Variants in SYNDIG1 observed in about 807,000 individuals in gnomAD.
The protein encoded by SYNDIG1 is synapse differentiation inducing 1, also known as synapse differentiation-inducing gene protein 1.
In SYNDIG1, 9 loss-of-function variants were observed where a neutral mutation model predicts 19.4. The ratio of observed to expected loss-of-function variants is 0.46; its 90% CI spans 0.28 to 0.81. The LOEUF is 0.81. SYNDIG1 is among the 30% of genes least tolerant of loss of function. The pLI is 0.12. For synonymous variants in SYNDIG1, 141 were observed against 145.9 expected (o/e 0.97, Z 0.24); for missense variants, 311 against 343.3 (o/e 0.91, Z 0.74).
intron 3 of SYNDIG1, among the ~76,000 whole-genome samples, chr20:24,631,637 A>G (rs2147296428): frequency 6.6e-6 from 1 of 152,338 alleles, no homozygotes; most frequent in Admixed American, 6.5e-5. Context: ...ATCACGTAAA[A>G]TCTGCTGAGG....
intron 1 of SYNDIG1, among the ~76,000 whole-genome samples, chr20:24,522,163 C>A (rs1014432236): frequency 6.6e-6 from 1 of 152,136 alleles, no homozygotes; most frequent in Admixed American, 6.5e-5. Context: ...CAGCCTCAAA[C>A]CCCTGGGCTC....
intron 3 of SYNDIG1, among the ~76,000 whole-genome samples, chr20:24,614,813 T>C (rs1005577839): frequency 1.3e-5 from 2 of 152,250 alleles, no homozygotes; most frequent in Admixed American, 6.5e-5. Flanking sequence ...GCCTAGGCTA[T>C]ACTTAAAATG....
intron 1 of SYNDIG1, among the ~76,000 whole-genome samples, chr20:24,484,378 T>C (rs1002580907): frequency 5.9e-5 from 9 of 152,200 alleles, no homozygotes; most frequent in Non-Finnish European, 1.3e-4. Flanking sequence ...TCTCACAGCA[T>C]GGCAGCCTTG....
At chr20:24,601,985 TTG>T (rs1040046722) in intron 3 of SYNDIG1, among the ~76,000 whole-genome samples, 18 of 139,752 alleles carry the variant, frequency 1.3e-4, no homozygotes, top group African/African-American at 4.5e-4. Context: ...CATTATAATA[TTG>T]TTTTTTTTTT....
At chr20:24,596,580 T>A (rs1000728772) in intron 3 of SYNDIG1, among the ~76,000 whole-genome samples, 1 of 151,378 alleles carries the variant, frequency 6.6e-6, no homozygotes, top group Non-Finnish European at 1.5e-5. Context: ...AGTTTTGCCA[T>A]GTTGCCTAGG....
At chr20:24,485,514 T>C (rs974841935) in intron 1 of SYNDIG1, among the ~76,000 whole-genome samples, 5 of 152,228 alleles carry the variant, frequency 3.3e-5, no homozygotes, top group Non-Finnish European at 2.9e-5. Flanking sequence ...TCCTTGTAGA[T>C]CTAGTGACTT....
At chr20:24,552,911 T>C (rs1307004073) in intron 2 of SYNDIG1, among the ~76,000 whole-genome samples, 1 of 152,208 alleles carries the variant, frequency 6.6e-6, no homozygotes, top group African/African-American at 2.4e-5. Flanking sequence ...GTTGAACTAG[T>C]TTACAGTCCC....
intron 3 of SYNDIG1, among the ~76,000 whole-genome samples, chr20:24,642,019 T>A (rs904051842): frequency 1.3e-5 from 2 of 152,214 alleles, no homozygotes; most frequent in East Asian, 3.8e-4. Context: ...GCTCTATGGT[T>A]AAACAAAAAA....
At chr20:24,655,235 G>A (rs965461600) in intron 3 of SYNDIG1, among the ~76,000 whole-genome samples, 3 of 152,222 alleles carry the variant, frequency 2.0e-5, no homozygotes, top group Non-Finnish European at 4.4e-5. Flanking sequence ...CTGAAAAAAT[G>A]TATTGAGAGG....
At chr20:24,520,264 A>C (rs542323260) in intron 1 of SYNDIG1, among the ~76,000 whole-genome samples, 1 of 150,798 alleles carries the variant, frequency 6.6e-6, no homozygotes, top group Non-Finnish European at 1.5e-5. Flanking sequence ...CTTACATAAT[A>C]GTATATGTAT....
chr20:24,599,773 A>G (rs190997833), intron 3 of SYNDIG1, among the ~76,000 whole-genome samples: 1 of 152,358 alleles, frequency 6.6e-6, no homozygotes, highest in East Asian at 1.9e-4. Flanking sequence ...CATGAGAGCT[A>G]AAAAGTCTGA....
intron 3 of SYNDIG1, among the ~76,000 whole-genome samples, chr20:24,628,413 A>G (rs1391829496): frequency 6.6e-6 from 1 of 152,172 alleles, no homozygotes; most frequent in Non-Finnish European, 1.5e-5. Flanking sequence ...TGATATATTT[A>G]TTGGTGTGTG....
In SYNDIG1 at chr20:24,665,593, A is replaced by T; in HGVS notation, c.*89A>T. On this transcript the variant is annotated 3_prime_UTR_variant, in exon 4 of 4. Coordinates refer to ENST00000376862, the MANE Select transcript of SYNDIG1 (RefSeq NM_024893.3). ...ATACCGCATGATGCTGTACAGTACA[A>T]ATGATTGCCAAATGATGCCACGAAG... The T allele has an allele frequency of 1.3e-6, 2 of 1,525,282 alleles. No homozygotes were observed. The highest frequency in any genetic ancestry group is 2.5e-5 in the South Asian group (2 of 79,994). The allele number at this position is 1,525,282 out of a possible 1,614,324, so 94.5% of individuals were successfully genotyped here.
At chr20:24,633,853 G>A (rs1008327572) in intron 3 of SYNDIG1, among the ~76,000 whole-genome samples, 5 of 152,120 alleles carry the variant, frequency 3.3e-5, no homozygotes, top group African/African-American at 1.2e-4. Context: ...CCGTGGTTCA[G>A]GGTTGTTGGG....
At chr20:24,512,097 T>C (rs541734807) in intron 1 of SYNDIG1, among the ~76,000 whole-genome samples, 9 of 132,516 alleles carry the variant, frequency 6.8e-5, no homozygotes, top group African/African-American at 8.7e-5. Context: ...TGAGGCACCA[T>C]TGGTCTTTAA....
chr20:24,555,088 G>T (rs2057786291), intron 2 of SYNDIG1, among the ~76,000 whole-genome samples: 2 of 152,044 alleles, frequency 1.3e-5, no homozygotes, highest in South Asian at 2.1e-4. Context: ...TAGTTTATTT[G>T]TGTAGAGGTG....
At chr20:24,489,979 G>A (rs1016589928) in intron 1 of SYNDIG1, among the ~76,000 whole-genome samples, 1 of 152,228 alleles carries the variant, frequency 6.6e-6, no homozygotes, top group Admixed American at 6.5e-5. Context: ...TGCCATCTGT[G>A]TGTGGCCCCC....
At chr20:24,486,573 T>C (rs539032621) in intron 1 of SYNDIG1, among the ~76,000 whole-genome samples, 3 of 152,338 alleles carry the variant, frequency 2.0e-5, no homozygotes, top group Admixed American at 6.5e-5. Context: ...TTTGCAGGCA[T>C]GCGAGCTCTG....
At chr20:24,473,751 T>C (rs532106761) in intron 1 of SYNDIG1, among the ~76,000 whole-genome samples, 4 of 152,214 alleles carry the variant, frequency 2.6e-5, no homozygotes, top group Admixed American at 2.0e-4. Context: ...TTTCTCAGAA[T>C]GCCATGTGAA....
Sources: gnomAD v4.1 joint callset for allele counts (sites outside exome capture counted in the v4.1 genomes callset) on GRCh38, gnomAD v4.1.1 for gene constraint, MANE v1.5 for transcripts, NCBI Gene and HGNC (gene_info 2026-07-23, HGNC 2026-07-21) for gene names.